Variants in ZDHHC21 observed in about 807,000 individuals in gnomAD.
The protein encoded by ZDHHC21 is palmitoyltransferase ZDHHC21.
A neutral mutation model predicts 34.6 loss-of-function variants in ZDHHC21; 15 were observed. The observed-to-expected ratio is 0.43, with a 90% CI of 0.29 to 0.67. ZDHHC21 has a LOEUF of 0.67. Ranked by LOEUF, ZDHHC21 falls within the 30% of genes least tolerant of loss-of-function variation. The probability of loss-of-function intolerance (pLI) is 0.14; values close to 1 mark genes in which losing one functional copy is unlikely to be tolerated. For synonymous variants in ZDHHC21, 142 were observed against 101.8 expected, an observed-to-expected ratio of 1.40 and a Z score of -2.38; for missense variants, 344 against 327.7, an observed-to-expected ratio of 1.05 and a Z score of -0.38.
intron 7 of ZDHHC21, among the ~76,000 whole-genome samples, chr9:14,654,600 C>A (rs186550999): frequency 0.012 from 1,863 of 152,122 alleles, 45 homozygotes; most frequent in African/African-American, 0.042. Context: ...ACATTAAAAA[C>A]TGTGATTAAC....
rs7850435 is a variant in ZDHHC21 at position 14,611,759 on chromosome 9, C to T, written c.*7207G>A. The stretch of plus-strand genomic sequence containing the variant: ...AAGTGAGCTCATACAGCATGATCCA[C>T]GTGTGCTCTGTCCTTGCAAGAGCCT... On this transcript the variant is annotated 3_prime_UTR_variant, in exon 10 of 10. Coordinates refer to ENST00000380916, the MANE Select transcript of ZDHHC21 (RefSeq NM_178566.6). 0.76 allele frequency: 115,029 copies of T among 151,942 alleles called. 44,281 individuals are homozygous for T. Among genetic ancestry groups the T allele is most frequent in the African/African-American group, 0.9 (37,498 of 41,520 alleles). The allele number at this position is 151,942 out of a possible 1,614,324, so 9.4% of individuals were successfully genotyped here.
In ZDHHC21 at chr9:14,674,650, G is replaced by T. The variant is rs1184473525; in HGVS notation, c.-45-265C>A. Among the ~76,000 whole-genome samples the T allele has an allele frequency of 2.6e-5, 4 of 151,902 alleles. 1 individual carries two copies. Among genetic ancestry groups the T allele is most frequent in the Non-Finnish European group, 5.9e-5 (4 of 67,916 alleles). ...GTTTCACTATGAACTGCTATCACAG[G>T]TATAAACTGGAATCATCTACTGAAT... On this transcript the variant is annotated intron_variant, in intron 3 of 9. Transcript: ENST00000380916.
At chr9:14,639,418 G>T (rs140766544) in intron 8 of ZDHHC21, among the ~76,000 whole-genome samples, 2 of 152,166 alleles carry the variant, frequency 1.3e-5, no homozygotes, top group Non-Finnish European at 2.9e-5. Context: ...ACACACAGAA[G>T]AAATAAGTTA....
At position 14,617,225 on chromosome 9, in the gene ZDHHC21, A is replaced by T. The variant is rs1303998949; in HGVS notation, c.*1741T>A. The T allele has an allele frequency of 6.6e-6, 1 of 151,934 alleles. No homozygotes were observed. The highest frequency in any genetic ancestry group is 1.5e-5 in the Non-Finnish European group (1 of 67,900). The allele number at this position is 151,934 out of a possible 1,614,324, so 9.4% of individuals were successfully genotyped here. On this transcript the variant is annotated 3_prime_UTR_variant, in exon 10 of 10. Coordinates refer to ENST00000380916, the MANE Select transcript of ZDHHC21 (RefSeq NM_178566.6). Reference sequence around the variant, plus strand: ...CTAATTTTGTGTTTCACTAAGCTTTATAAATATATTTCTTCTATTTAATTT... The same window carrying T: ...CTAATTTTGTGTTTCACTAAGCTTTTTAAATATATTTCTTCTATTTAATTT...
At chr9:14,596,890 G>A in the ZDHHC21 span, among the ~76,000 whole-genome samples, 2 of 152,104 alleles carry the variant, frequency 1.3e-5, no homozygotes, top group African/African-American at 2.4e-5. Flanking sequence ...ATTCAGCAGG[G>A]CAGTGTCAGA....
In ZDHHC21 at chr9:14,615,236, G is replaced by C. The variant is rs1433377465; in HGVS notation, c.*3730C>G. ...GCATTCAGAATTAATACACCCTTTG[G>C]AGTGAAACATATCACCCACTAGTTA... On this transcript the variant is annotated 3_prime_UTR_variant, in exon 10 of 10. Coordinates refer to ENST00000380916, the MANE Select transcript of ZDHHC21 (RefSeq NM_178566.6). 1 of 151,586 alleles carries C rather than the reference G, an allele frequency of 6.6e-6. No homozygotes were observed. Among genetic ancestry groups the C allele is most frequent in the African/African-American group, 2.4e-5 (1 of 41,358 alleles). The allele number at this position is 151,586 out of a possible 1,614,324, so 9.4% of individuals were successfully genotyped here.
chr9:14,655,342 C>A (rs149851613), intron 7 of ZDHHC21, among the ~76,000 whole-genome samples: 174 of 151,950 alleles, frequency 1.1e-3, no homozygotes, highest in Admixed American at 2.2e-3. Context: ...GAGACTTGCA[C>A]TAAAAGCAGA....
chr9:14,635,182 T>C (rs1427714379), intron 8 of ZDHHC21, among the ~76,000 whole-genome samples: 1 of 152,164 alleles, frequency 6.6e-6, no homozygotes, highest in African/African-American at 2.4e-5. Flanking sequence ...CATGACATAT[T>C]GAATACCATG....
At chr9:14,676,134 G>A (rs1836330414) in intron 3 of ZDHHC21, among the ~76,000 whole-genome samples, 1 of 152,006 alleles carries the variant, frequency 6.6e-6, no homozygotes, top group African/African-American at 2.4e-5. Flanking sequence ...GCTCTGGTGT[G>A]AATGATAAAA....
chr9:14,642,064 C>A (rs1336534917), intron 7 of ZDHHC21, among the ~76,000 whole-genome samples: 2 of 152,114 alleles, frequency 1.3e-5, no homozygotes, highest in African/African-American at 2.4e-5. Flanking sequence ...TGGCCAACTA[C>A]AATTTATAAA....
chr9:14,620,768 C>G (rs1261153773), intron 8 of ZDHHC21, among the ~76,000 whole-genome samples: 1 of 151,946 alleles, frequency 6.6e-6, no homozygotes, highest in African/African-American at 2.4e-5. Context: ...AAGAGAAAAT[C>G]AGAGAAAATG....
chr9:14,626,297 T>C (rs1408908561), intron 8 of ZDHHC21, among the ~76,000 whole-genome samples: 2 of 151,980 alleles, frequency 1.3e-5, no homozygotes, highest in Non-Finnish European at 2.9e-5. Flanking sequence ...TGCAGTCCTA[T>C]GTTTTAATGT....
intron 7 of ZDHHC21, among the ~76,000 whole-genome samples, chr9:14,642,282 C>T (rs1829503316): frequency 1.3e-5 from 2 of 152,238 alleles, no homozygotes; most frequent in African/African-American, 4.8e-5. Flanking sequence ...GCACTAAATC[C>T]ATATTTTGAG....
At chr9:14,607,525 G>A (rs1418605300), downstream of ZDHHC21, among the ~76,000 whole-genome samples, 1 of 151,912 alleles carries the variant, frequency 6.6e-6, no homozygotes, top group Non-Finnish European at 1.5e-5. Flanking sequence ...ACCAAATTAT[G>A]GCCAGTAGCT....
At chr9:14,680,491 G>A (rs1040895122) in intron 2 of ZDHHC21, among the ~76,000 whole-genome samples, 3 of 151,952 alleles carry the variant, frequency 2.0e-5, no homozygotes, top group Non-Finnish European at 2.9e-5. Context: ...ACAAAATAAC[G>A]ATAGATTCTG....
intron 8 of ZDHHC21, among the ~76,000 whole-genome samples, chr9:14,621,810 C>T (rs897608935): frequency 6.6e-6 from 1 of 151,932 alleles, no homozygotes; most frequent in Non-Finnish European, 1.5e-5. Flanking sequence ...GGGGTTACTA[C>T]TATGAAGAAT....
At chr9:14,641,626 T>C (rs1189539189) in intron 7 of ZDHHC21, among the ~76,000 whole-genome samples, 2 of 152,086 alleles carry the variant, frequency 1.3e-5, no homozygotes, top group Non-Finnish European at 2.9e-5. Context: ...TTCTCTTCCA[T>C]GCTATGAGCC....
intron 8 of ZDHHC21, among the ~76,000 whole-genome samples, chr9:14,624,788 G>A (rs1395038649): frequency 6.6e-6 from 1 of 152,074 alleles, no homozygotes; most frequent in Non-Finnish European, 1.5e-5. Context: ...ATAGCCTGAA[G>A]AGAGGATTTC....
intron 8 of ZDHHC21, among the ~76,000 whole-genome samples, chr9:14,630,329 G>C (rs1344046137): frequency 6.6e-6 from 1 of 152,132 alleles, no homozygotes; most frequent in Non-Finnish European, 1.5e-5. Flanking sequence ...TCATCCATAA[G>C]AAGCAAATTC....
Sources: gnomAD v4.1 joint callset for allele counts (sites outside exome capture counted in the v4.1 genomes callset) on GRCh38, gnomAD v4.1.1 for gene constraint, MANE v1.5 for transcripts, NCBI Gene and HGNC (gene_info 2026-07-23, HGNC 2026-07-21) for gene names.